The following TNNC2 variants were observed in gnomAD, a reference collection of about 807,000 sequenced individuals.
TNNC2 encodes the protein troponin C2, fast skeletal type.
In TNNC2, 14 loss-of-function variants were observed where a neutral mutation model predicts 20.0. That is an observed-to-expected ratio of 0.70 (90% confidence interval 0.46 to 1.09). TNNC2 has a LOEUF of 1.09. Among genes scored for constraint, TNNC2 ranks in the 50% least tolerant of loss-of-function variants. The pLI is 0.00. For synonymous variants in TNNC2, 81 were observed against 77.3 expected (o/e 1.05, Z -0.25); for missense variants, 163 against 223.8 (o/e 0.73, Z 1.73).
chr20:45,824,060 T>A lies in TNNC2; in HGVS notation c.382A>T (p.Thr128Ser). 6.2e-7 allele frequency: 1 copy of A among 1,614,092 alleles called. No individual in the cohort carries two copies. The highest frequency in any genetic ancestry group is 2.2e-5 in the East Asian group (1 of 44,872). ...EIFRASGEHVTDEEIESLMKD... is the reference protein window; with the variant it reads ...EIFRASGEHVSDEEIESLMKD... ...ATCAGAGATTCGATCTCCTCGTCCG[T>A]CACGTGCTCCCCGGAGGCCCTGAAA... is the stretch of plus-strand genomic sequence containing the variant. The change falls in exon 5 of 6, where the codon ACG (threonine) becomes TCG (serine). Residue 128 changes from threonine to serine, a missense_variant. Coordinates refer to ENST00000372555, the MANE Select transcript of TNNC2 (RefSeq NM_003279.3).
At chr20:45,832,196 G>A (rs1983130135), upstream of TNNC2, among the ~76,000 whole-genome samples, 1 of 152,160 alleles carries the variant, frequency 6.6e-6, no homozygotes, top group African/African-American at 2.4e-5. Flanking sequence ...TGTAGTCCCA[G>A]CCACTCAGGA....
intron 1 of TNNC2, among the ~76,000 whole-genome samples, chr20:45,826,005 A>ACCCCCCCCCCCCCCCCCCCCCCCCCCCCC (rs111300154): frequency 6.9e-6 from 1 of 144,010 alleles, no homozygotes; most frequent in African/African-American, 2.7e-5. Context: ...CAAGTCGGGA[A>ACCCCCCCCCCCCCCCCCCCCCCCCCCCCC]CCCCCCCCAC....
rs1372027137 is a variant in TNNC2, at chr20:45,823,729, G to A, written c.451+262C>T. ...GCTGGTCTCGAACTCTTGGCCTCAA[G>A]CAATCCTCCCACCTCATCCTCCCAA... On this transcript the variant is annotated intron_variant, in intron 5 of 5. Coordinates refer to ENST00000372555, the MANE Select transcript of TNNC2 (RefSeq NM_003279.3). This position sits in a 1 kb window ranked among gnomAD's most constrained non-coding sequence, Gnocchi z 4.6. Among the ~76,000 whole-genome samples, 2 of 152,060 alleles carry A rather than the reference G, an allele frequency of 1.3e-5. No homozygotes were observed. The highest frequency in any genetic ancestry group is 4.8e-5 in the African/African-American group (2 of 41,396).
At chr20:45,832,903 A>T (rs1279798561) in intron 2 of TNNC2, among the ~76,000 whole-genome samples, 1 of 152,208 alleles carries the variant, frequency 6.6e-6, no homozygotes, top group Non-Finnish European at 1.5e-5. Flanking sequence ...CCTCTGAGGG[A>T]GGCAGAGGCA....
chr20:45,824,278 G>T lies in TNNC2; in HGVS notation c.314+14C>A. The T allele has an allele frequency of 6.2e-7, 1 of 1,608,878 alleles. No homozygotes were observed. On this transcript the variant is annotated intron_variant, in intron 4 of 5. Transcript: ENST00000372555. ...TGCTAAGCCCCTCCCTCGGCTCCCG[G>T]GCCCCCAGCGCACCTGTCGAAGATG...
In TNNC2 at chr20:45,824,070, C is replaced by T. The variant is rs765348042; in HGVS notation, c.372G>A (p.Gly124=). ...EELAEIFRAS[G]EHVTDEEIES... ...CGATCTCCTCGTCCGTCACGTGCTC[C>T]CCGGAGGCCCTGAAAATCTCAGCCA... Residue 124 remains glycine, a synonymous_variant, in exon 5 of 6, where the codon GGG becomes GGA. Coordinates refer to ENST00000372555, the MANE Select transcript of TNNC2 (RefSeq NM_003279.3). 10 of 1,614,012 alleles carry T rather than the reference C, an allele frequency of 6.2e-6. No individual in the cohort carries two copies. Among genetic ancestry groups the T allele is most frequent in the Non-Finnish European group, 7.6e-6 (9 of 1,180,012 alleles).
At chr20:45,826,744 C>T (rs1982981939) in intron 1 of TNNC2, among the ~76,000 whole-genome samples, 1 of 152,230 alleles carries the variant, frequency 6.6e-6, no homozygotes, top group South Asian at 2.1e-4. Flanking sequence ...CGGAGTCTCT[C>T]TAACTCTGGT....
chr20:45,824,541 G>A lies in TNNC2; in HGVS notation c.153C>T (p.Pro51=), dbSNP rs569859219. The A allele has an allele frequency of 1.2e-6, 2 of 1,613,598 alleles. No individual in the cohort carries two copies. The highest frequency in any genetic ancestry group is 1.3e-5 in the African/African-American group (1 of 75,024). ...TGATGGCGTCCAGCTCCTCCTTGGT[G>A]GGTGTCTGGCCCAGCATCCTCATCA... ...GTVMRMLGQT[P]TKEELDAIIE... is the part of the protein sequence containing the mutation. Residue 51 remains proline, a synonymous_variant, in exon 3 of 6, where the codon CCC becomes CCT. Coordinates refer to ENST00000372555, the MANE Select transcript of TNNC2 (RefSeq NM_003279.3).
chr20:45,829,307 G>A (rs749768745), upstream of TNNC2, among the ~76,000 whole-genome samples: 14 of 151,914 alleles, frequency 9.2e-5, no homozygotes, highest in Admixed American at 3.9e-4. Flanking sequence ...CGGAATTACA[G>A]GCATGAGCCA....
chr20:45,827,373 TC>T, upstream of TNNC2: 1 of 1,275,906 alleles, frequency 7.8e-7, no homozygotes, highest in Non-Finnish European at 1.1e-6. Flanking sequence ...ACCTCCCTGC[TC>T]CCCAGCACTG....
At chr20:45,832,431 G>A (rs142231520) in intron 2 of TNNC2, among the ~76,000 whole-genome samples, 2 of 152,172 alleles carry the variant, frequency 1.3e-5, no homozygotes, top group Admixed American at 1.3e-4. Flanking sequence ...TCTTCATCTT[G>A]AAAATGGACC....
rs929023421 is a variant in TNNC2 at position 45,824,282 on chromosome 20, C to T, written c.314+10G>A. ...AAGCCCCTCCCTCGGCTCCCGGGCC[C>T]CCAGCGCACCTGTCGAAGATGCGGA... On this transcript the variant is annotated intron_variant, in intron 4 of 5. Coordinates refer to ENST00000372555, the MANE Select transcript of TNNC2 (RefSeq NM_003279.3). 4.3e-6 allele frequency: 7 copies of T among 1,609,346 alleles called. No homozygotes were observed. In the Admixed American group the frequency reaches 1.0e-4, roughly 23 times the overall value.
rs1982873003 is a variant in TNNC2 at position 45,823,786 on chromosome 20, C to T, written c.451+205G>A. ...AGGATTTTACAGTCCTGAGCCACCA[C>T]GCCCCCCTGCCTGGTCATTAATTGA... On this transcript the variant is annotated intron_variant, in intron 5 of 5. Transcript: ENST00000372555. The surrounding 1 kb of genome is among the most constrained non-coding windows in gnomAD (Gnocchi z 4.6). 6.6e-6 allele frequency among the ~76,000 whole-genome samples: 1 copy of T among 152,150 alleles called. No individual in the cohort carries two copies.
upstream of TNNC2, among the ~76,000 whole-genome samples, chr20:45,827,942 C>T (rs1458886496): frequency 1.3e-5 from 2 of 152,156 alleles, no homozygotes; most frequent in Non-Finnish European, 2.9e-5. Flanking sequence ...TTTACTGAAC[C>T]CCATGACGTG....
chr20:45,832,054 G>A (rs973214382), upstream of TNNC2, among the ~76,000 whole-genome samples: 68 of 152,302 alleles, frequency 4.5e-4, no homozygotes, highest in African/African-American at 1.6e-3. Flanking sequence ...GCTCACGCCT[G>A]TAATCCCAGC....
rs1035483172 is a variant in TNNC2, at chr20:45,823,332, G to A, written c.*16C>T. On this transcript the variant is annotated 3_prime_UTR_variant, in exon 6 of 6. Transcript: ENST00000372555. This position sits in a 1 kb window ranked among gnomAD's most constrained non-coding sequence, Gnocchi z 4.6. ...CCTAGGGACACGCGATCTTGGTAGAGGCGACTGTCCACTCCTTACTGCACG... is the reference window on the plus strand; with the variant it reads ...CCTAGGGACACGCGATCTTGGTAGAAGCGACTGTCCACTCCTTACTGCACG... 2 of 1,579,826 alleles carry A rather than the reference G, an allele frequency of 1.3e-6. No individual in the cohort carries two copies. Among genetic ancestry groups the A allele is most frequent in the East Asian group, 2.3e-5 (1 of 43,668 alleles).
At chr20:45,825,909 C>T (rs528583640) in intron 1 of TNNC2, among the ~76,000 whole-genome samples, 9 of 152,278 alleles carry the variant, frequency 5.9e-5, no homozygotes, top group African/African-American at 1.2e-4. Flanking sequence ...CGTGAGCCAC[C>T]GCGCGCAGCC....
At chr20:45,830,390 T>C (rs1983081585), upstream of TNNC2, among the ~76,000 whole-genome samples, 1 of 151,320 alleles carries the variant, frequency 6.6e-6, no homozygotes. Context: ...CTATGAACCT[T>C]CAAGCCTTTG....
At position 45,824,108 on chromosome 20, in the gene TNNC2, C is replaced by T. The variant is rs140683159; in HGVS notation, c.334G>A (p.Asp112Asn). Residue 112 changes from aspartate (D) to asparagine (N), a missense_variant, in exon 5 of 6, where the codon GAC becomes AAC. Coordinates refer to ENST00000372555, the MANE Select transcript of TNNC2 (RefSeq NM_003279.3). Reference protein sequence around the residue: ...IFDRNADGYIDPEELAEIFRA... With the variant: ...IFDRNADGYINPEELAEIFRA... ...AAAATCTCAGCCAGCTCCTCCGGGT[C>T]GATGTAGCCGTCTGCATTCCTTCAG... is the stretch of plus-strand genomic sequence containing the variant. The T allele has an allele frequency of 8.1e-6, 13 of 1,613,718 alleles. No individual in the cohort carries two copies. The highest frequency in any genetic ancestry group is 1.1e-5 in the Non-Finnish European group (13 of 1,179,970).
Sources: gnomAD v4.1 joint callset for allele counts (sites outside exome capture counted in the v4.1 genomes callset) on GRCh38, gnomAD v4.1.1 for gene constraint, Gnocchi (gnomAD v3.1) non-coding constraint, MANE v1.5 for transcripts, NCBI Gene and HGNC (gene_info 2026-07-23, HGNC 2026-07-21) for gene names.